SIPA1L3: variants seen among roughly 807,000 people sequenced by gnomAD.
SIPA1L3 encodes the protein signal induced proliferation associated 1 like 3.
A neutral mutation model predicts 150.1 loss-of-function variants in SIPA1L3; 59 were observed. That is an observed-to-expected ratio of 0.39 (90% CI 0.32 to 0.49). SIPA1L3 has a LOEUF of 0.49. Among genes scored for constraint, SIPA1L3 ranks in the 20% least tolerant of loss-of-function variants. SIPA1L3 has a pLI of 0.86. For synonymous variants in SIPA1L3, 1,070 were observed against 1,077.6 expected, an observed-to-expected ratio of 0.99 and a Z score of 0.14; for missense variants, 2,211 against 2,489.5, an observed-to-expected ratio of 0.89 and a Z score of 2.38.
chr19:38,096,617 G>T (rs144675236), intron 4 of SIPA1L3, among the ~76,000 whole-genome samples: 1 of 152,240 alleles, frequency 6.6e-6, no homozygotes, highest in Non-Finnish European at 1.5e-5. Flanking sequence ...CCTGGAGAGG[G>T]ATTTTTCTTT....
At position 38,206,523 on chromosome 19, in the gene SIPA1L3, C is replaced by T. The variant is rs1004112426; in HGVS notation, c.*283C>T. 1.2e-5 allele frequency: 4 copies of T among 330,304 alleles called. No individual in the cohort carries two copies. Among genetic ancestry groups the T allele is most frequent in the African/African-American group, 4.3e-5 (2 of 46,722 alleles). The allele number at this position is 330,304 out of a possible 1,614,324, so 20.5% of individuals were successfully genotyped here. On this transcript the variant is annotated 3_prime_UTR_variant, in exon 22 of 22. Coordinates refer to ENST00000222345, the MANE Select transcript of SIPA1L3 (RefSeq NM_015073.3). The stretch of plus-strand genomic sequence containing the variant: ...GCTTACACCGCTCCCGGGCCTGCCC[C>T]GCTGTCCCCATCTAGCCTCTTCCTG...
chr19:38,117,630 AAAG>A (rs1055050739), intron 8 of SIPA1L3, among the ~76,000 whole-genome samples: 8 of 151,690 alleles, frequency 5.3e-5, no homozygotes, highest in Non-Finnish European at 1.0e-4. Flanking sequence ...GAAAAAAAAA[AAAG>A]AGCATTACCT....
intron 1 of SIPA1L3, among the ~76,000 whole-genome samples, chr19:37,919,949 A>G (rs1013669931): frequency 1.5e-4 from 23 of 150,792 alleles, no homozygotes; most frequent in African/African-American, 5.4e-4. Context: ...ACCTTAGGTG[A>G]TCTGCCCACC....
intron 15 of SIPA1L3, among the ~76,000 whole-genome samples, chr19:38,171,276 A>G (rs1972321635): frequency 6.6e-6 from 1 of 151,658 alleles, no homozygotes; most frequent in Admixed American, 6.6e-5. Context: ...ACAGTGGCTC[A>G]TGCCTGTAAT....
At chr19:38,184,050 T>C (rs964585254) in intron 16 of SIPA1L3, among the ~76,000 whole-genome samples, 21 of 152,276 alleles carry the variant, frequency 1.4e-4, no homozygotes, top group Non-Finnish European at 3.1e-4. Context: ...TGTTTTTCAG[T>C]CGGAGGATAC....
chr19:38,071,735 A>G (rs1969728370), intron 2 of SIPA1L3, among the ~76,000 whole-genome samples: 1 of 152,222 alleles, frequency 6.6e-6, no homozygotes, highest in African/African-American at 2.4e-5. Flanking sequence ...TGAAGTTGGC[A>G]TGAGCAGGGC....
intron 2 of SIPA1L3, among the ~76,000 whole-genome samples, chr19:38,054,947 T>C (rs976353343): frequency 2.0e-5 from 3 of 152,206 alleles, no homozygotes; most frequent in Non-Finnish European, 4.4e-5. Context: ...GGTGGAGGAA[T>C]GGACAAGTAA....
At chr19:37,969,537 G>A (rs886553815) in intron 1 of SIPA1L3, among the ~76,000 whole-genome samples, 1 of 151,896 alleles carries the variant, frequency 6.6e-6, no homozygotes, top group East Asian at 1.9e-4. Flanking sequence ...GGGTGACAGA[G>A]TTATACTGTG....
At position 38,192,377 on chromosome 19, in the gene SIPA1L3, AAGG is replaced by A. The variant is rs1422922552; in HGVS notation, c.4596+70_4596+72del. Reference sequence around the variant, plus strand: ...AAGGGGATCCCAGATCTGGGCAGGCAAGGAGAAGGGCTGTGCTCCCCACGGTCA... The same window carrying A: ...AAGGGGATCCCAGATCTGGGCAGGCAAGAAGGGCTGTGCTCCCCACGGTCA... On this transcript the variant is annotated intron_variant, in intron 17 of 21. Coordinates refer to ENST00000222345, the MANE Select transcript of SIPA1L3 (RefSeq NM_015073.3). 8 of 1,435,518 alleles carry A rather than the reference AAGG, an allele frequency of 5.6e-6. No individual in the cohort carries two copies. The African/African-American group carries it at 7.2e-5, about 13-fold the overall frequency. The allele number at this position is 1,435,518 out of a possible 1,614,324, so 88.9% of individuals were successfully genotyped here.
At chr19:37,982,809 G>T (rs1967235168) in intron 1 of SIPA1L3, among the ~76,000 whole-genome samples, 1 of 152,142 alleles carries the variant, frequency 6.6e-6, no homozygotes, top group Non-Finnish European at 1.5e-5. Context: ...TGGACAACCT[G>T]GGCTTTCCCG....
chr19:38,029,122 C>T lies in SIPA1L3; in HGVS notation c.-345C>T, dbSNP rs1249110667. Reference sequence around the variant, plus strand: ...TCTCTGACATCAGCTCTCCTGGGACCCTCCAAGAGCACTAGTGTCTAGAAG... The same window carrying T: ...TCTCTGACATCAGCTCTCCTGGGACTCTCCAAGAGCACTAGTGTCTAGAAG... On this transcript the variant is annotated 5_prime_UTR_variant, in exon 2 of 22. Transcript: ENST00000222345. The T allele has an allele frequency of 6.6e-6, 1 of 152,132 alleles. No homozygotes were observed. The highest frequency in any genetic ancestry group is 2.4e-5 in the African/African-American group (1 of 41,408). The allele number at this position is 152,132 out of a possible 1,614,324, so 9.4% of individuals were successfully genotyped here.
chr19:38,196,572 G>A (rs774333380), intron 18 of SIPA1L3, among the ~76,000 whole-genome samples: 1 of 149,814 alleles, frequency 6.7e-6, no homozygotes, highest in African/African-American at 2.5e-5. Flanking sequence ...GGAGGTCAAG[G>A]GCAGAGCGTG....
chr19:37,928,726 G>A (rs2046527910), intron 1 of SIPA1L3, among the ~76,000 whole-genome samples: 1 of 152,196 alleles, frequency 6.6e-6, no homozygotes, highest in African/African-American at 2.4e-5. Context: ...GGTGCCCCTG[G>A]TCCAGGAAGC....
At chr19:37,911,485 G>A (rs1328087394) in intron 1 of SIPA1L3, among the ~76,000 whole-genome samples, 1 of 151,506 alleles carries the variant, frequency 6.6e-6, no homozygotes, top group Non-Finnish European at 1.5e-5. Flanking sequence ...CCCACTGCTG[G>A]TCCTTTAGGT....
At position 38,164,001 on chromosome 19, in the gene SIPA1L3, C is replaced by T. The variant is rs1317338711; in HGVS notation, c.3781-478C>T. Among the ~76,000 whole-genome samples the T allele has an allele frequency of 2.0e-5, 3 of 152,256 alleles. No homozygotes were observed. The highest frequency in any genetic ancestry group is 1.9e-4 in the East Asian group (1 of 5,174). ...CAGGACAGGCATGGACAGGACCACG[C>T]GGAGCCGTGGAGCAGGAAGTGACAG... On this transcript the variant is annotated intron_variant, in intron 14 of 21. Transcript: ENST00000222345. The surrounding 1 kb of genome is among the most constrained non-coding windows in gnomAD (Gnocchi z 4.1).
chr19:38,173,420 A>G (rs1972371746), intron 15 of SIPA1L3, among the ~76,000 whole-genome samples: 1 of 152,270 alleles, frequency 6.6e-6, no homozygotes, highest in Non-Finnish European at 1.5e-5. Context: ...TGCCATGGGC[A>G]CCGCAGTGGG....
In SIPA1L3 at chr19:38,047,938, G is replaced by A. The variant is rs146263367; in HGVS notation, c.-311+18782G>A. 4.5e-3 allele frequency among the ~76,000 whole-genome samples: 681 copies of A among 152,234 alleles called. 7 individuals are homozygous for A. The highest frequency in any genetic ancestry group is 0.015 in the African/African-American group (636 of 41,532). ...GAGAAATACAACATGGGAAACCGGC[G>A]GTAACTCCACTGTGGTAAAGGATGT... On this transcript the variant is annotated intron_variant, in intron 2 of 21. Coordinates refer to ENST00000222345, the MANE Select transcript of SIPA1L3 (RefSeq NM_015073.3). The surrounding 1 kb of genome is among the most constrained non-coding windows in gnomAD (Gnocchi z 4.7).
chr19:37,930,976 G>A (rs554885055), intron 1 of SIPA1L3, among the ~76,000 whole-genome samples: 3 of 152,242 alleles, frequency 2.0e-5, no homozygotes, highest in African/African-American at 7.2e-5. Context: ...TTACTACTGT[G>A]TCCCAGTGCC....
In SIPA1L3 at chr19:38,034,541, A is replaced by C. The variant is rs374514447; in HGVS notation, c.-311+5385A>C. Among the ~76,000 whole-genome samples the C allele has an allele frequency of 2.8e-4, 42 of 151,924 alleles. No individual in the cohort carries two copies. In the East Asian group the frequency reaches 6.6e-3, roughly 24 times the overall value. On this transcript the variant is annotated intron_variant, in intron 2 of 21. Coordinates refer to ENST00000222345, the MANE Select transcript of SIPA1L3 (RefSeq NM_015073.3). ...TCCGGGGGTGCGGGGGGTGGGGTACAGGGGACCAGGCTGCTCACTGTCTGG... is the reference window on the plus strand; with the variant it reads ...TCCGGGGGTGCGGGGGGTGGGGTACCGGGGACCAGGCTGCTCACTGTCTGG...
Sources: gnomAD v4.1 joint callset for allele counts (sites outside exome capture counted in the v4.1 genomes callset) on GRCh38, gnomAD v4.1.1 for gene constraint, Gnocchi (gnomAD v3.1) non-coding constraint, MANE v1.5 for transcripts, NCBI Gene and HGNC (gene_info 2026-07-23, HGNC 2026-07-21) for gene names.